PDE9A: variants seen among roughly 807,000 people sequenced by gnomAD.
The protein encoded by PDE9A is high affinity cGMP-specific 3',5'-cyclic phosphodiesterase 9A.
PDE9A carries 60 observed loss-of-function variants against 87.4 expected under a neutral mutation model. That is an observed-to-expected ratio of 0.69 (90% confidence interval 0.56 to 0.85). The LOEUF (loss-of-function observed/expected upper bound fraction) is 0.85. Ranked by LOEUF, PDE9A falls within the 40% of genes least tolerant of loss-of-function variation. The pLI is 0.00. For synonymous variants in PDE9A, 272 were observed against 279.4 expected (o/e 0.97, Z 0.27); for missense variants, 665 against 779.0 (o/e 0.85, Z 1.74).
intron 14 of PDE9A, among the ~76,000 whole-genome samples, chr21:42,765,022 G>GAT (rs55826375): frequency 1.5e-3 from 221 of 146,626 alleles, no homozygotes; most frequent in Non-Finnish European, 2.7e-3. Flanking sequence ...TGGATGGATG[G>GAT]GTGGATGGGT....
chr21:42,688,040 C>G, intron 3 of PDE9A, 46 bp downstream of exon 3: 1 of 1,446,348 alleles, frequency 6.9e-7, no homozygotes, highest in Non-Finnish European at 9.7e-7. Context: ...TGGCACTTCT[C>G]TCCATGACAT....
chr21:42,662,720 CTTGTACACACCAGGCACATCACACACAAG>C (rs1402206681), intron 1 of PDE9A, among the ~76,000 whole-genome samples: 1 of 146,066 alleles, frequency 6.8e-6, no homozygotes, highest in Non-Finnish European at 1.5e-5. Flanking sequence ...ACATCACACA[CTTGTACACACCAGGCACATCACACACAAG>C]AACGCACACC....
Position 42,675,614 on chromosome 21 carries a change from C to T in PDE9A, c.70-10578C>T, listed in dbSNP as rs1391111513. 2.0e-5 allele frequency among the ~76,000 whole-genome samples: 3 copies of T among 152,254 alleles called. No homozygotes were observed. Among genetic ancestry groups the T allele is most frequent in the Admixed American group, 1.3e-4 (2 of 15,294 alleles). On this transcript the variant is annotated intron_variant, in intron 1 of 19. Transcript: ENST00000291539. This position sits in a 1 kb window ranked among gnomAD's most constrained non-coding sequence, Gnocchi z 4.3. Reference sequence around the variant, plus strand: ...ATACACGGGCCCGAACGGCGCCAGCCTCACTGCCTCTGCGTTAGTGCCGCC... The same window carrying T: ...ATACACGGGCCCGAACGGCGCCAGCTTCACTGCCTCTGCGTTAGTGCCGCC...
At chr21:42,728,632 G>T (rs547476774) in intron 4 of PDE9A, among the ~76,000 whole-genome samples, 1 of 152,200 alleles carries the variant, frequency 6.6e-6, no homozygotes, top group African/African-American at 2.4e-5. Flanking sequence ...TATTCATGAG[G>T]GATGTTGGCA....
intron 18 of PDE9A, among the ~76,000 whole-genome samples, chr21:42,772,066 GA>G (rs1363960521): frequency 6.6e-6 from 1 of 151,742 alleles, no homozygotes; most frequent in African/African-American, 2.4e-5. Flanking sequence ...CCCAGTAGGG[GA>G]TAGTAGGGTT....
At position 42,732,036 on chromosome 21, in the gene PDE9A, C is replaced by T. The variant is rs749174692; in HGVS notation, c.443-34C>T. ...GGCCTACACATCTTTTCCTCTTGTCCGTGTTCCATCTGTCTTTCTTCTTTG... is the reference window on the plus strand; with the variant it reads ...GGCCTACACATCTTTTCCTCTTGTCTGTGTTCCATCTGTCTTTCTTCTTTG... On this transcript the variant is annotated intron_variant, in intron 5 of 19. Transcript: ENST00000291539. 1.4e-5 allele frequency: 22 copies of T among 1,613,066 alleles called. No homozygotes were observed. The Admixed American group carries it at 1.7e-4, about 12-fold the overall frequency.
chr21:42,728,216 C>CTA lies in PDE9A; in HGVS notation c.263-3551_263-3550dup, dbSNP rs1355724871. On this transcript the variant is annotated intron_variant, in intron 4 of 19. Coordinates refer to ENST00000291539, the MANE Select transcript of PDE9A (RefSeq NM_002606.3). ...GATGTGCATAGGTTATATGCAAATA[C>CTA]TATACCATCTTATATAAGGAATTTG... Among the ~76,000 whole-genome samples, 5 of 152,170 alleles carry CTA rather than the reference C, an allele frequency of 3.3e-5. No individual in the cohort carries two copies. The East Asian group carries it at 9.6e-4, about 29-fold the overall frequency.
intron 4 of PDE9A, among the ~76,000 whole-genome samples, chr21:42,730,357 T>C (rs1439592874): frequency 6.6e-6 from 1 of 152,212 alleles, no homozygotes; most frequent in Non-Finnish European, 1.5e-5. Flanking sequence ...GCAGCGGGAA[T>C]CTAGGGTGAT....
At position 42,714,528 on chromosome 21, in the gene PDE9A, A is replaced by G. The variant is rs35310203; in HGVS notation, c.262+15517A>G. ...CTACCAGTCTTTATTGATATGGTTG[A>G]GGTTAGCTCTACCAGTCTTTGTCGA... On this transcript the variant is annotated intron_variant, in intron 4 of 19. Coordinates refer to ENST00000291539, the MANE Select transcript of PDE9A (RefSeq NM_002606.3). Among the ~76,000 whole-genome samples, 104 of 111,620 alleles carry G rather than the reference A, an allele frequency of 9.3e-4. 1 individual carries two copies. Among genetic ancestry groups the G allele is most frequent in the African/African-American group, 3.5e-3 (100 of 28,576 alleles). The allele number at this position is 111,620 out of a possible 152,430, so 73.2% of individuals were successfully genotyped here. A position where few individuals can be genotyped will look rare whatever the true frequency, so the allele number is the denominator to read the frequency against.
chr21:42,657,663 C>A (rs1341907196), intron 1 of PDE9A, among the ~76,000 whole-genome samples: 5 of 152,186 alleles, frequency 3.3e-5, no homozygotes, highest in Non-Finnish European at 5.9e-5. Context: ...CTTGGGTTTG[C>A]CAATCTTCCG....
At chr21:42,746,188 G>A (rs900257639) in intron 8 of PDE9A, among the ~76,000 whole-genome samples, 4 of 152,234 alleles carry the variant, frequency 2.6e-5, no homozygotes, top group African/African-American at 4.8e-5. Flanking sequence ...ATCACACGCC[G>A]CTCCTGGCGT....
At chr21:42,714,318 C>T (rs1377206380) in intron 4 of PDE9A, among the ~76,000 whole-genome samples, 1 of 152,110 alleles carries the variant, frequency 6.6e-6, no homozygotes, top group Non-Finnish European at 1.5e-5. Flanking sequence ...CGCCCAGCCC[C>T]AACTTTTATT....
chr21:42,771,263 C>G (rs1195966376), intron 18 of PDE9A, among the ~76,000 whole-genome samples: 1 of 152,238 alleles, frequency 6.6e-6, no homozygotes, highest in African/African-American at 2.4e-5. Flanking sequence ...GCCCAGAACA[C>G]ACACCGGCAC....
rs182553716 is a variant in PDE9A, at chr21:42,775,045, A to G, written c.1769-235A>G. ...CAATCTCCACCTCCCGGGTTCAAGCAATTCTCCTGTCTCAGCCTCCCGAGT... is the reference window on the plus strand; with the variant it reads ...CAATCTCCACCTCCCGGGTTCAAGCGATTCTCCTGTCTCAGCCTCCCGAGT... On this transcript the variant is annotated intron_variant, in intron 19 of 19. Transcript: ENST00000291539. Among the ~76,000 whole-genome samples, 631 of 151,354 alleles carry G rather than the reference A, an allele frequency of 4.2e-3. 18 individuals carry two copies. The East Asian group carries it at 0.045, about 11-fold the overall frequency.
At chr21:42,668,725 A>G (rs934603536) in intron 1 of PDE9A, among the ~76,000 whole-genome samples, 1 of 152,304 alleles carries the variant, frequency 6.6e-6, no homozygotes, top group East Asian at 1.9e-4. Context: ...GAGGCCCGGG[A>G]TCCGCGCAGA....
intron 8 of PDE9A, 78 bp from the exon 9 acceptor site, chr21:42,751,038 C>T (rs2054362542): frequency 4.2e-6 from 4 of 944,022 alleles, no homozygotes; most frequent in Admixed American, 1.7e-5. Flanking sequence ...TTGGGTTTGT[C>T]GCTTGCTTTT....
At chr21:42,763,485 C>T (rs932787122) in intron 14 of PDE9A, among the ~76,000 whole-genome samples, 1 of 152,146 alleles carries the variant, frequency 6.6e-6, no homozygotes, top group African/African-American at 2.4e-5. Flanking sequence ...GACTTCGGGG[C>T]CCCCAGGAGC....
At chr21:42,706,471 C>G (rs981748637) in intron 4 of PDE9A, among the ~76,000 whole-genome samples, 3 of 152,018 alleles carry the variant, frequency 2.0e-5, no homozygotes, top group Non-Finnish European at 4.4e-5. Context: ...ATGGTGAAAC[C>G]CTGTCTCTAC....
Position 42,659,852 on chromosome 21 carries a change from C to T in PDE9A, c.69+5969C>T, listed in dbSNP as rs888599182. On this transcript the variant is annotated intron_variant, in intron 1 of 19. Coordinates refer to ENST00000291539, the MANE Select transcript of PDE9A (RefSeq NM_002606.3). This position sits in a 1 kb window ranked among gnomAD's most constrained non-coding sequence, Gnocchi z 4.1. ...TCAGAAATGGGCAAAAGACAGCTCT[C>T]GTTGTCAGCGAGGTAAATCTAGCGC... Among the ~76,000 whole-genome samples the T allele has an allele frequency of 3.3e-5, 5 of 152,220 alleles. No homozygotes were observed. Among genetic ancestry groups the T allele is most frequent in the Non-Finnish European group, 5.9e-5 (4 of 68,044 alleles).
Sources: gnomAD v4.1 joint callset for allele counts (sites outside exome capture counted in the v4.1 genomes callset) on GRCh38, gnomAD v4.1.1 for gene constraint, Gnocchi (gnomAD v3.1) non-coding constraint, MANE v1.5 for transcripts, NCBI Gene and HGNC (gene_info 2026-07-23, HGNC 2026-07-21) for gene names.